NRK: variants seen among roughly 807,000 people sequenced by gnomAD.
NRK encodes the protein nik-related protein kinase.
In NRK, 67 loss-of-function variants were observed where a neutral mutation model predicts 125.2. The observed-to-expected ratio is 0.54, with a 90% CI of 0.44 to 0.66. The LOEUF is 0.66. Ranked by LOEUF, NRK falls within the 30% of genes least tolerant of loss-of-function variation. The probability of loss-of-function intolerance (pLI) is 0.00; values close to 1 mark genes in which losing one functional copy is unlikely to be tolerated. For missense variants in NRK, 1,224 were observed against 1,192.9 expected, an observed-to-expected ratio of 1.03 and a Z score of -0.38; for synonymous variants, 458 against 429.0, an observed-to-expected ratio of 1.07 and a Z score of -0.84.
intron 5 of NRK, among the ~76,000 whole-genome samples, chrX:105,889,564 A>G (rs972889135): frequency 8.9e-6 from 1 of 112,346 alleles, no homozygotes; most frequent in African/African-American, 3.2e-5. Flanking sequence ...GTTCTCCACG[A>G]GGACCTGGCC....
At position 105,955,615 on chromosome X, in the gene NRK, T is replaced by G. The variant is rs1261623314; in HGVS notation, c.*15T>G. ...ATGATGTCTAAAAGTTTCCAGTGATTTATTACCACATTATAAACATCATGT... is the reference window on the plus strand; with the variant it reads ...ATGATGTCTAAAAGTTTCCAGTGATGTATTACCACATTATAAACATCATGT... On this transcript the variant is annotated 3_prime_UTR_variant, in exon 29 of 29. Transcript: ENST00000243300. 1.1e-6 allele frequency: 1 copy of G among 907,587 alleles called. No individual in the cohort carries two copies. Among genetic ancestry groups the G allele is most frequent in the African/African-American group, 1.9e-5 (1 of 51,391 alleles). The allele number at this position is 907,587 out of a possible 1,213,427, so 74.8% of individuals were successfully genotyped here.
At chrX:105,899,643 C>T (rs1214014742) in intron 8 of NRK, among the ~76,000 whole-genome samples, 1 of 111,393 alleles carries the variant, frequency 9.0e-6, no homozygotes. Context: ...GTTTTTAGCA[C>T]CATGTAACTG....
At chrX:105,845,850 C>T (rs956558699) in intron 2 of NRK, among the ~76,000 whole-genome samples, 1 of 111,501 alleles carries the variant, frequency 9.0e-6, no homozygotes, top group African/African-American at 3.3e-5. Flanking sequence ...CATAGGAATG[C>T]GGCTTTGCTG....
chrX:105,929,367 CA>C (rs2040565529), intron 19 of NRK, among the ~76,000 whole-genome samples: 1 of 111,498 alleles, frequency 9.0e-6, no homozygotes, highest in Non-Finnish European at 1.9e-5. Flanking sequence ...CATTTTCAAT[CA>C]GTGTGTGTCA....
chrX:105,941,555 A>AAGAGAGAGAGAG lies in NRK; in HGVS notation c.3958+1549_3958+1560dup, dbSNP rs771874766. 5.6e-3 allele frequency among the ~76,000 whole-genome samples: 479 copies of AAGAGAGAGAGAG among 85,230 alleles called. 10 individuals are homozygous for AAGAGAGAGAGAG. The highest frequency in any genetic ancestry group is 0.02 in the African/African-American group (421 of 21,443). 74.0% of individuals were successfully genotyped at this position (85,230 alleles called of 115,157 possible). A position where few individuals can be genotyped will look rare whatever the true frequency, so the allele number is the denominator to read the frequency against. ...TAAGCTAGACCCAGAGAGAGACAGA[A>AAGAGAGAGAGAG]AGAGAGAGAGAGAGAGAGAGAGAGA... is the stretch of plus-strand genomic sequence containing the variant. On this transcript the variant is annotated intron_variant, in intron 23 of 28. Coordinates refer to ENST00000243300, the MANE Select transcript of NRK (RefSeq NM_198465.4).
At position 105,888,416 on chromosome X, in the gene NRK, T is replaced by C; in HGVS notation, c.375T>C (p.Leu125=). Residue 125 remains leucine, a synonymous_variant, in exon 5 of 29, where the codon CTT becomes CTC. Coordinates refer to ENST00000243300, the MANE Select transcript of NRK (RefSeq NM_198465.4). ...GTCCCCCTGGTCAGCGGCACCAACT[T>C]TGGGTATGTTTTTAATTACACTGTT... ...KLSPPGQRHQ[L]WMVMELCAAG... 1 of 1,186,029 alleles carries C rather than the reference T, an allele frequency of 8.4e-7. No individual in the cohort carries two copies. Among genetic ancestry groups the C allele is most frequent in the African/African-American group, 1.8e-5 (1 of 57,044 alleles).
In NRK at chrX:105,953,052, G is replaced by A. The variant is rs1310620401; in HGVS notation, c.4532G>A (p.Arg1511Gln). Reference protein sequence around the residue: ...PSSIAFECTQRTTGWGQKAIE... With the variant: ...PSSIAFECTQQTTGWGQKAIE... The stretch of plus-strand genomic sequence containing the variant: ...ATTGTAGCTTTTGAATGTACACAGC[G>A]AACCACAGGATGGGGCCAAAAGGCC... The change falls in exon 28 of 29, where the codon CGA (arginine) becomes CAA (glutamine). Residue 1511 changes from arginine (R) to glutamine (Q), a missense_variant. Arg to Gln is a conservative substitution (Grantham distance 43, BLOSUM62 1). Transcript: ENST00000243300. The A allele has an allele frequency of 9.3e-6, 11 of 1,183,378 alleles. No homozygotes were observed. Among genetic ancestry groups the A allele is most frequent in the African/African-American group, 3.5e-5 (2 of 56,643 alleles).
chrX:105,901,181 T>C (rs1377273132), intron 9 of NRK, among the ~76,000 whole-genome samples: 1 of 110,611 alleles, frequency 9.0e-6, no homozygotes, highest in African/African-American at 3.3e-5. Context: ...CAATTCAACT[T>C]ACCTTTGTGC....
chrX:105,892,877 A>G, intron 5 of NRK, among the ~76,000 whole-genome samples: 1 of 111,864 alleles, frequency 8.9e-6, no homozygotes, highest in Non-Finnish European at 1.9e-5. Context: ...AATAGTCATG[A>G]TTTTGAGTTT....
At chrX:105,948,255 AGAGAT>A (rs1457068270) in intron 26 of NRK, among the ~76,000 whole-genome samples, 2 of 111,614 alleles carry the variant, frequency 1.8e-5, no homozygotes, top group Admixed American at 1.9e-4. Flanking sequence ...TTTGTTAGTT[AGAGAT>A]GAGTTCTTAA....
chrX:105,898,573 AT>A lies in NRK; in HGVS notation c.581-6del. On this transcript the variant is annotated splice_polypyrimidine_tract_variant and intron_variant, in intron 7 of 28. Coordinates refer to ENST00000243300, the MANE Select transcript of NRK (RefSeq NM_198465.4). Reference sequence around the variant, plus strand: ...TGATTGATTATTTTGACATATAATGATTTTTGGCAGTTGATTTTGGAGTGAG... The same window carrying A: ...TGATTGATTATTTTGACATATAATGATTTTGGCAGTTGATTTTGGAGTGAG... The A allele has an allele frequency of 8.4e-7, 1 of 1,192,594 alleles. No individual in the cohort carries two copies. The highest frequency in any genetic ancestry group is 3.0e-5 in the East Asian group (1 of 33,281).
At chrX:105,906,764 CGTGTGTGTGT>C (rs61655627) in intron 11 of NRK, among the ~76,000 whole-genome samples, 175 bp downstream of exon 11, 66 of 87,518 alleles carry the variant, frequency 7.5e-4, no homozygotes, top group South Asian at 2.0e-3. Flanking sequence ...TTTTCTCTTG[CGTGTGTGTGT>C]GTGTGTGTGT....
chrX:105,868,676 TTGAG>T (rs1052093583), intron 2 of NRK, among the ~76,000 whole-genome samples: 8 of 109,654 alleles, frequency 7.3e-5, no homozygotes, highest in Non-Finnish European at 1.3e-4. Flanking sequence ...TTGGCATTCT[TTGAG>T]TGGCTATATC....
At chrX:105,936,556 A>T (rs1197929011) in intron 21 of NRK, among the ~76,000 whole-genome samples, 1 of 111,989 alleles carries the variant, frequency 8.9e-6, no homozygotes, top group Non-Finnish European at 1.9e-5. Context: ...AAAATCACTT[A>T]AGTTTTCTCC....
intron 11 of NRK, 73 bp from the exon 12 acceptor site, chrX:105,908,167 A>T (rs1024931583): frequency 3.5e-6 from 2 of 576,351 alleles, no homozygotes; most frequent in Non-Finnish European, 2.7e-6. Flanking sequence ...CAGAGGGAAC[A>T]AGGTGATTAA....
At chrX:105,938,444 A>G (rs2040693849) in intron 22 of NRK, among the ~76,000 whole-genome samples, 1 of 112,198 alleles carries the variant, frequency 8.9e-6, no homozygotes, top group South Asian at 3.7e-4. Flanking sequence ...CTTTAGAGGT[A>G]TGCTCAGACT....
In NRK at chrX:105,909,374, C is replaced by A; in HGVS notation, c.1733C>A (p.Pro578His). 3 of 1,206,598 alleles carry A rather than the reference C, an allele frequency of 2.5e-6. No individual in the cohort carries two copies. Among genetic ancestry groups the A allele is most frequent in the Non-Finnish European group, 3.4e-6 (3 of 892,635 alleles). The change falls in exon 13 of 29, where the codon CCT becomes CAT. Residue 578 changes from proline (P) to histidine (H), a missense_variant. By Grantham distance (77) the Pro-to-His change is moderately conservative. Coordinates refer to ENST00000243300, the MANE Select transcript of NRK (RefSeq NM_198465.4). ...PAQAETEAEE[P>H]ESLRVNAQVF... ...CAGGCAGAGACTGAGGCAGAGGAAC[C>A]TGAGTCATTACGAGTAAATGCCCAG...
intron 26 of NRK, among the ~76,000 whole-genome samples, chrX:105,947,259 C>T (rs1216577195): frequency 3.5e-5 from 2 of 56,552 alleles, no homozygotes; most frequent in Non-Finnish European, 5.9e-5. Context: ...CCGGCTAAAA[C>T]GGTGAAACCC....
chrX:105,827,013 G>A (rs947626067), intron 1 of NRK, among the ~76,000 whole-genome samples: 1 of 111,476 alleles, frequency 9.0e-6, no homozygotes. Flanking sequence ...TTCTGATATC[G>A]TAATTCCAAG....
Sources: gnomAD v4.1 joint callset for allele counts (sites outside exome capture counted in the v4.1 genomes callset) on GRCh38, gnomAD v4.1.1 for gene constraint, MANE v1.5 for transcripts, NCBI Gene and HGNC (gene_info 2026-07-23, HGNC 2026-07-21) for gene names.